FAM171B: variants seen among roughly 807,000 people sequenced by gnomAD.
FAM171B encodes the protein protein FAM171B.
In FAM171B, 19 loss-of-function variants were observed where a neutral mutation model predicts 75.6. That is an observed-to-expected ratio of 0.25 (90% CI 0.18 to 0.37). The LOEUF (loss-of-function observed/expected upper bound fraction) is 0.37, where lower values mean the gene tolerates loss of function less well. Ranked by LOEUF, FAM171B falls within the 10% of genes least tolerant of loss-of-function variation. The pLI, the probability that FAM171B is intolerant of heterozygous loss-of-function variation, is 1.00. For missense variants in FAM171B, 848 were observed against 982.4 expected (o/e 0.86, Z 1.83); for synonymous variants, 367 against 361.7 (o/e 1.01, Z -0.17).
At chr2:186,695,574 G>A (rs1689567579) in intron 1 of FAM171B, among the ~76,000 whole-genome samples, 1 of 152,162 alleles carries the variant, frequency 6.6e-6, no homozygotes, top group Admixed American at 6.5e-5. Context: ...CAGTACACAG[G>A]CATGCCAGCT....
rs374530216 is a variant in FAM171B at position 186,761,467 on chromosome 2, C to T, written c.1137-12C>T. ...AACTTTTAAATATTTTTTGCCTTCT[C>T]TTCTACTCTAGGGACAAGTGTGGTA... On this transcript the variant is annotated splice_polypyrimidine_tract_variant and intron_variant, in intron 7 of 7. Coordinates refer to ENST00000304698, the MANE Select transcript of FAM171B (RefSeq NM_177454.4). The T allele has an allele frequency of 2.6e-6, 4 of 1,541,634 alleles. No homozygotes were observed. Among genetic ancestry groups the T allele is most frequent in the Non-Finnish European group, 2.6e-6 (3 of 1,153,090 alleles).
intron 1 of FAM171B, among the ~76,000 whole-genome samples, chr2:186,724,224 T>C (rs985269065): frequency 1.3e-4 from 18 of 139,692 alleles, no homozygotes; most frequent in African/African-American, 4.2e-4. Context: ...ATTTTACTGA[T>C]TGATGATGAT....
At chr2:186,717,549 A>T (rs543014503) in intron 1 of FAM171B, among the ~76,000 whole-genome samples, 1 of 152,138 alleles carries the variant, frequency 6.6e-6, no homozygotes, top group African/African-American at 2.4e-5. Flanking sequence ...GATGCTTCTG[A>T]TCAGATGCCC....
chr2:186,759,540 C>T (rs564485240), intron 6 of FAM171B, among the ~76,000 whole-genome samples: 61 of 152,158 alleles, frequency 4.0e-4, no homozygotes, highest in African/African-American at 1.4e-3. Context: ...GTCATGTGAA[C>T]GGGGATAAGA....
In FAM171B at chr2:186,762,151, G is replaced by GGATATC; in HGVS notation, c.1810_1815dup (p.Asp604_Ile605dup). 6.2e-7 allele frequency: 1 copy of GGATATC among 1,613,652 alleles called. No homozygotes were observed. Among genetic ancestry groups the GGATATC allele is most frequent in the Non-Finnish European group, 8.5e-7 (1 of 1,179,770 alleles). ...CACAGCCCCCAGATGCCAGGGAAGAGGATATCATACTTGAAGGTCAACAGA... is the reference window on the plus strand; with the variant it reads ...CACAGCCCCCAGATGCCAGGGAAGAGGATATCGATATCATACTTGAAGGTCAACAGA... On this transcript the variant is annotated inframe_insertion, in exon 8 of 8. Transcript: ENST00000304698. This position sits in a 1 kb window ranked among gnomAD's most constrained non-coding sequence, Gnocchi z 4.0.
chr2:186,697,632 A>G (rs1689601882), intron 1 of FAM171B, among the ~76,000 whole-genome samples: 1 of 152,168 alleles, frequency 6.6e-6, no homozygotes, highest in African/African-American at 2.4e-5. Flanking sequence ...GCTTGCATTC[A>G]TTCTTTACCG....
At chr2:186,753,252 G>A (rs951425679) in intron 5 of FAM171B, among the ~76,000 whole-genome samples, 10 of 152,048 alleles carry the variant, frequency 6.6e-5, no homozygotes, top group African/African-American at 2.2e-4. Flanking sequence ...AGGCTCAAGC[G>A]ATTCTCCTGC....
chr2:186,702,002 A>G (rs2105770865), intron 1 of FAM171B, among the ~76,000 whole-genome samples: 1 of 152,292 alleles, frequency 6.6e-6, no homozygotes, highest in Admixed American at 6.5e-5. Flanking sequence ...ACTATTTTGT[A>G]TGTGCTATTG....
chr2:186,729,823 T>C (rs1690087977), intron 1 of FAM171B, among the ~76,000 whole-genome samples: 1 of 152,170 alleles, frequency 6.6e-6, no homozygotes, highest in African/African-American at 2.4e-5. Context: ...TTAGTAAATA[T>C]GATGAAAACC....
rs778705698 is a variant in FAM171B, at chr2:186,754,022, A to G, written c.985A>G (p.Ile329Val). 4.4e-6 allele frequency: 7 copies of G among 1,604,836 alleles called. No homozygotes were observed. The East Asian group carries it at 1.3e-4, about 31-fold the overall frequency. ...TGATGCACCACATTTGGGGTACTGG[A>G]TAGCAGCTCCACTTCCAGGAACTAG... is the stretch of plus-strand genomic sequence containing the variant. ...TYDAPHLGYW[I>V]AAPLPGTRGS... The change falls in exon 6 of 8, where the codon ATA becomes GTA. Residue 329 changes from isoleucine (I) to valine (V), a missense_variant. By Grantham distance (29) the Ile-to-Val change is conservative. Around this residue, in one of 3 missense-constraint regions of FAM171B, gnomAD observed 665 missense variants for 729.0 expected, o/e 0.91. Coordinates refer to ENST00000304698, the MANE Select transcript of FAM171B (RefSeq NM_177454.4).
intron 1 of FAM171B, among the ~76,000 whole-genome samples, chr2:186,704,577 C>G (rs916621903): frequency 1.3e-5 from 2 of 152,216 alleles, no homozygotes; most frequent in African/African-American, 4.8e-5. Context: ...TGTGGTAACA[C>G]TGGAAATTAC....
At chr2:186,718,987 A>C (rs970778804) in intron 1 of FAM171B, among the ~76,000 whole-genome samples, 1 of 152,194 alleles carries the variant, frequency 6.6e-6, no homozygotes, top group African/African-American at 2.4e-5. Context: ...ATGCTCTGCT[A>C]TTCATGCTGT....
intron 4 of FAM171B, 85 bp downstream of exon 4, chr2:186,747,335 TTATAA>T: frequency 1.2e-6 from 1 of 861,150 alleles, no homozygotes; most frequent in East Asian, 3.0e-5. Context: ...CTATAATAGC[TTATAA>T]TATATAAGCT....
At chr2:186,732,262 G>T (rs1324714851) in intron 1 of FAM171B, among the ~76,000 whole-genome samples, 2 of 152,092 alleles carry the variant, frequency 1.3e-5, no homozygotes, top group South Asian at 2.1e-4. Context: ...ATGGCCAGGG[G>T]GTGCTTTTTC....
intron 1 of FAM171B, among the ~76,000 whole-genome samples, chr2:186,728,966 G>A (rs1230837156): frequency 6.6e-6 from 1 of 152,068 alleles, no homozygotes; most frequent in African/African-American, 2.4e-5. Flanking sequence ...TGGACTTTTA[G>A]TTACCTATTT....
rs777624223 is a variant in FAM171B, at chr2:186,694,296, C to T, written c.123C>T (p.Leu41=). 3.2e-5 allele frequency: 51 copies of T among 1,576,146 alleles called. No homozygotes were observed. Among genetic ancestry groups the T allele is most frequent in the Non-Finnish European group, 4.3e-5 (50 of 1,164,590 alleles). ...RAELSRSDLS[L]IQQQQQQQQQ... Reference sequence around the variant, plus strand: ...AACTCAGCCGCTCCGACCTCAGCCTCATCCAACAGCAGCAGCAGCAGCAGC... The same window carrying T: ...AACTCAGCCGCTCCGACCTCAGCCTTATCCAACAGCAGCAGCAGCAGCAGC... The change falls in exon 1 of 8, where the codon CTC becomes CTT. Residue 41 remains leucine, a synonymous_variant. Coordinates refer to ENST00000304698, the MANE Select transcript of FAM171B (RefSeq NM_177454.4).
Position 186,763,597 on chromosome 2 carries a change from T to C in FAM171B, c.*774T>C, listed in dbSNP as rs1030151164. ...CAAGCTTAGCTGTCAAGGGAAACTT[T>C]TTACAAATCTGAAAAAAACAATCTA... On this transcript the variant is annotated 3_prime_UTR_variant, in exon 8 of 8. Coordinates refer to ENST00000304698, the MANE Select transcript of FAM171B (RefSeq NM_177454.4). The C allele has an allele frequency of 1.1e-4, 16 of 152,104 alleles. 1 individual carries two copies. Among genetic ancestry groups the C allele is most frequent in the African/African-American group, 3.9e-4 (16 of 41,446 alleles). The allele number at this position is 152,104 out of a possible 1,614,324, so 9.4% of individuals were successfully genotyped here. A position where few individuals can be genotyped will look rare whatever the true frequency, so the allele number is the denominator to read the frequency against.
At chr2:186,725,350 A>AC (rs1456392519) in intron 1 of FAM171B, among the ~76,000 whole-genome samples, 1 of 151,742 alleles carries the variant, frequency 6.6e-6, no homozygotes, top group Non-Finnish European at 1.5e-5. Flanking sequence ...TCTCAAAAAA[A>AC]AAAAAAAAGA....
chr2:186,700,940 G>A (rs1361665932), intron 1 of FAM171B, among the ~76,000 whole-genome samples: 2 of 148,850 alleles, frequency 1.3e-5, no homozygotes, highest in Non-Finnish European at 3.0e-5. Context: ...TTTTTCATAC[G>A]GACTCTTGCT....
Sources: gnomAD v4.1 joint callset for allele counts (sites outside exome capture counted in the v4.1 genomes callset) on GRCh38, gnomAD v4.1.1 for gene constraint, gnomAD v4.1.1 regional missense constraint, Gnocchi (gnomAD v3.1) non-coding constraint, MANE v1.5 for transcripts, NCBI Gene and HGNC (gene_info 2026-07-23, HGNC 2026-07-21) for gene names.